Variants in HMGB1 observed in about 807,000 individuals in gnomAD.
HMGB1 encodes high mobility group box 1.
For missense variants in HMGB1, 79 were observed against 253.5 expected (o/e 0.31, Z 4.67); for synonymous variants, 81 against 84.0 (o/e 0.96, Z 0.19).
At chr13:30,603,648 G>A (rs963490009) in intron 1 of HMGB1, among the ~76,000 whole-genome samples, 9 of 152,122 alleles carry the variant, frequency 5.9e-5, no homozygotes, top group African/African-American at 2.2e-4. Flanking sequence ...AGCAGCCCAG[G>A]TGAGACCAGC....
intron 1 of HMGB1, among the ~76,000 whole-genome samples, chr13:30,521,436 C>T (rs1049459067): frequency 2.0e-5 from 3 of 152,184 alleles, no homozygotes; most frequent in Non-Finnish European, 4.4e-5. Flanking sequence ...ATAGATTTGC[C>T]TATTCTGGAT....
chr13:30,461,525 A>T lies in HMGB1; in HGVS notation c.480T>A (p.Ala160=). The change falls in exon 5 of 5, where the codon GCT becomes GCA. Residue 160 remains alanine (A), a synonymous_variant. Coordinates refer to ENST00000341423, the MANE Select transcript of HMGB1 (RefSeq NM_002128.7). ...KLKEKYEKDI[A]AYRAKGKPDA... Reference sequence around the variant, plus strand: ...CAGGCTTTCCTTTAGCTCGATATGCAGCAATATCCTTCCAAAGCAAAGGGA... The same window carrying T: ...CAGGCTTTCCTTTAGCTCGATATGCTGCAATATCCTTCCAAAGCAAAGGGA... 1 of 1,578,228 alleles carries T rather than the reference A, an allele frequency of 6.3e-7. No homozygotes were observed. The highest frequency in any genetic ancestry group is 8.6e-7 in the Non-Finnish European group (1 of 1,159,416).
intron 1 of HMGB1, among the ~76,000 whole-genome samples, chr13:30,562,663 G>A (rs551764164): frequency 5.3e-5 from 8 of 152,274 alleles, no homozygotes; most frequent in African/African-American, 1.9e-4. Flanking sequence ...CAGTGACAGG[G>A]CTACGAATCT....
chr13:30,585,772 C>A (rs922393285), intron 1 of HMGB1, among the ~76,000 whole-genome samples: 2 of 152,144 alleles, frequency 1.3e-5, no homozygotes, highest in Non-Finnish European at 2.9e-5. Flanking sequence ...TTATGACTAA[C>A]TACTAGCTCA....
chr13:30,599,961 A>G (rs1387151986), intron 1 of HMGB1, among the ~76,000 whole-genome samples: 1 of 152,246 alleles, frequency 6.6e-6, no homozygotes, highest in Non-Finnish European at 1.5e-5. Flanking sequence ...CCCAAATGAA[A>G]TAATATAGCA....
At chr13:30,614,370 G>C (rs1389220923) in intron 1 of HMGB1, among the ~76,000 whole-genome samples, 1 of 152,150 alleles carries the variant, frequency 6.6e-6, no homozygotes, top group Non-Finnish European at 1.5e-5. Flanking sequence ...ACCTGCACAT[G>C]GAATGTTGAA....
chr13:30,573,301 G>T (rs1870510155), intron 1 of HMGB1, among the ~76,000 whole-genome samples: 1 of 152,142 alleles, frequency 6.6e-6, no homozygotes, highest in South Asian at 2.1e-4. Context: ...TTCTTAGAAG[G>T]ACAGTATCAT....
intron 1 of HMGB1, among the ~76,000 whole-genome samples, chr13:30,491,796 T>A (rs111562058): frequency 0.047 from 7,108 of 152,174 alleles, 540 homozygotes; most frequent in African/African-American, 0.16. Flanking sequence ...GGAGAAGTCT[T>A]AGGACAAAAA....
chr13:30,519,498 A>G (rs996192842), intron 1 of HMGB1, among the ~76,000 whole-genome samples: 3 of 150,930 alleles, frequency 2.0e-5, no homozygotes, highest in South Asian at 4.2e-4. Context: ...GATCGAGACC[A>G]TCCCGGCTAA....
At chr13:30,491,757 A>C (rs1333272451) in intron 1 of HMGB1, among the ~76,000 whole-genome samples, 2 of 152,246 alleles carry the variant, frequency 1.3e-5, no homozygotes, top group African/African-American at 4.8e-5. Flanking sequence ...CTAAGGGTAC[A>C]ATCTAGAAAA....
At chr13:30,582,790 G>A (rs1870962126) in intron 1 of HMGB1, among the ~76,000 whole-genome samples, 1 of 152,194 alleles carries the variant, frequency 6.6e-6, no homozygotes, top group Non-Finnish European at 1.5e-5. Context: ...TGTTTCTGCT[G>A]AATTTGACGA....
intron 1 of HMGB1, 72 bp from the exon 2 acceptor site, chr13:30,463,766 G>A (rs2249825): frequency 3.0e-6 from 3 of 1,005,060 alleles, no homozygotes; most frequent in Non-Finnish European, 4.3e-6. Flanking sequence ...TACTTAGTAA[G>A]GGAATGAAAA....
At chr13:30,589,892 G>A (rs917662904) in intron 1 of HMGB1, among the ~76,000 whole-genome samples, 1 of 151,736 alleles carries the variant, frequency 6.6e-6, no homozygotes, top group African/African-American at 2.4e-5. Context: ...AGGAAGACTC[G>A]AGGGCTAGAA....
At chr13:30,615,006 G>A (rs1950547236) in intron 1 of HMGB1, among the ~76,000 whole-genome samples, 1 of 151,668 alleles carries the variant, frequency 6.6e-6, no homozygotes, top group African/African-American at 2.4e-5. Context: ...CACCACGCCC[G>A]GCCGAGTTGT....
In HMGB1 at chr13:30,465,805, G is replaced by A. The variant is rs1448113448; in HGVS notation, c.-24C>T. The A allele has an allele frequency of 4.1e-6, 4 of 985,712 alleles. No homozygotes were observed. The highest frequency in any genetic ancestry group is 4.8e-6 in the Non-Finnish European group (4 of 829,928). 61.1% of individuals were successfully genotyped at this position (985,712 alleles called of 1,614,324 possible). On this transcript the variant is annotated 5_prime_UTR_variant, in exon 1 of 5. Transcript: ENST00000341423. ...GCTGCCCCAGACTCACCCTCAGCGA[G>A]GCACAGAGTCGCCCAGTGCCCGTCC...
chr13:30,572,496 G>C (rs1206971386), intron 1 of HMGB1, among the ~76,000 whole-genome samples: 1 of 152,152 alleles, frequency 6.6e-6, no homozygotes, highest in Non-Finnish European at 1.5e-5. Context: ...ATGATCCATG[G>C]TAAGATTATT....
At chr13:30,509,292 G>A (rs753038545) in intron 1 of HMGB1, among the ~76,000 whole-genome samples, 1 of 149,956 alleles carries the variant, frequency 6.7e-6, no homozygotes, top group Non-Finnish European at 1.5e-5. Flanking sequence ...AGGCTGGAGT[G>A]TGGTGGTGTG....
At chr13:30,519,502 C>T (rs111566354) in intron 1 of HMGB1, among the ~76,000 whole-genome samples, 15,562 of 149,224 alleles carry the variant, frequency 0.1, 939 homozygotes, top group East Asian at 0.29. Context: ...GAGACCATCC[C>T]GGCTAACACA....
intron 1 of HMGB1, among the ~76,000 whole-genome samples, chr13:30,578,566 T>C (rs1870763535): frequency 6.6e-6 from 1 of 151,994 alleles, no homozygotes; most frequent in South Asian, 2.1e-4. Context: ...CTAACTCTAA[T>C]CTCTCTTTTC....
Sources: allele counts gnomAD v4.1 joint callset (sites outside exome capture counted in the v4.1 genomes callset), GRCh38; gene constraint gnomAD v4.1.1; transcripts MANE v1.5; gene names NCBI Gene and HGNC (gene_info 2026-07-23, HGNC 2026-07-21).